Variants in CAPZB observed in about 807,000 individuals in gnomAD.
CAPZB encodes the protein capping actin protein of muscle Z-line subunit beta, also known as F-actin-capping protein subunit beta.
A neutral mutation model predicts 38.1 loss-of-function variants in CAPZB; 2 were observed. The observed-to-expected ratio is 0.05, with a 90% CI of 0.02 to 0.17. The LOEUF is 0.17. Ranked by LOEUF, CAPZB falls within the 10% of genes least tolerant of loss-of-function variation. The pLI is 1.00. For synonymous variants in CAPZB, 107 were observed against 127.4 expected, an observed-to-expected ratio of 0.84 and a Z score of 1.08; for missense variants, 161 against 334.2, an observed-to-expected ratio of 0.48 and a Z score of 4.04.
chr1:19,349,414 C>T (rs909539800), intron 6 of CAPZB, among the ~76,000 whole-genome samples: 2 of 151,974 alleles, frequency 1.3e-5, no homozygotes, highest in African/African-American at 2.4e-5. Context: ...GGCAGATTCC[C>T]GGCCACCCTA....
chr1:19,476,858 G>A, intron 1 of CAPZB, among the ~76,000 whole-genome samples: 1 of 152,194 alleles, frequency 6.6e-6, no homozygotes, highest in East Asian at 1.9e-4. Flanking sequence ...GAACCTCTCG[G>A]CCCCAGTTTC....
intron 1 of CAPZB, among the ~76,000 whole-genome samples, chr1:19,458,447 C>T (rs1341258434): frequency 6.6e-6 from 1 of 152,184 alleles, no homozygotes; most frequent in African/African-American, 2.4e-5. Context: ...CTCCACCTCC[C>T]GGGTTCAAGT....
chr1:19,484,286 C>T (rs759308342), intron 1 of CAPZB: 16 of 1,610,530 alleles, frequency 9.9e-6, no homozygotes, highest in Non-Finnish European at 1.4e-5. Context: ...GCATCGTGTC[C>T]AGGCCATATG....
At chr1:19,480,292 T>C (rs2094623048) in intron 1 of CAPZB, among the ~76,000 whole-genome samples, 1 of 151,620 alleles carries the variant, frequency 6.6e-6, no homozygotes, top group Non-Finnish European at 1.5e-5. Context: ...AGCACTGGAG[T>C]AAGTACATTA....
Position 19,339,316 on chromosome 1 carries a change from A to G in CAPZB, c.*214T>C. 1.7e-6 allele frequency: 1 copy of G among 601,686 alleles called. No individual in the cohort carries two copies. Among genetic ancestry groups the G allele is most frequent in the South Asian group, 1.9e-5 (1 of 51,704 alleles). The allele number at this position is 601,686 out of a possible 1,614,324, so 37.3% of individuals were successfully genotyped here. ...CGGTCTCTATGGAAATGTGGAGAGA[A>G]CTGAGAGCGAGGTGTGGCAGAAGCA... On this transcript the variant is annotated 3_prime_UTR_variant, in exon 9 of 9. Coordinates refer to ENST00000264202, the MANE Select transcript of CAPZB (RefSeq NM_004930.5).
At chr1:19,368,144 A>T (rs1249699554) in intron 4 of CAPZB, among the ~76,000 whole-genome samples, 1 of 152,188 alleles carries the variant, frequency 6.6e-6, no homozygotes, top group African/African-American at 2.4e-5. Context: ...AACGTGCCCA[A>T]GTCACAGGCT....
At chr1:19,418,136 C>CAAAAAAAAAA (rs59390448) in intron 2 of CAPZB, among the ~76,000 whole-genome samples, 11 of 35,328 alleles carry the variant, frequency 3.1e-4, no homozygotes, top group African/African-American at 1.1e-3. Flanking sequence ...ACTCTGTCAC[C>CAAAAAAAAAA]AAAAAAAAAA....
chr1:19,397,585 T>G (rs10917443), intron 2 of CAPZB, among the ~76,000 whole-genome samples: 33,434 of 151,956 alleles, frequency 0.22, 3,992 homozygotes, highest in East Asian at 0.36. Flanking sequence ...GCAAGATTGG[T>G]TTTTCACACA....
In CAPZB at chr1:19,341,281, C is replaced by G. The variant is rs140791470; in HGVS notation, c.732-1664G>C. 5.0e-3 allele frequency among the ~76,000 whole-genome samples: 764 copies of G among 152,290 alleles called. 6 individuals carry two copies. Among genetic ancestry groups the G allele is most frequent in the African/African-American group, 0.018 (734 of 41,554 alleles). ...CCCAGGCTCCAAATCTCAGCCGATT[C>G]CCCAGGGGCTTCTTGCCAAGCTCAC... On this transcript the variant is annotated intron_variant, in intron 8 of 8. Transcript: ENST00000264202.
intron 1 of CAPZB, among the ~76,000 whole-genome samples, chr1:19,462,582 G>A (rs2094555575): frequency 6.6e-6 from 1 of 152,204 alleles, no homozygotes; most frequent in Non-Finnish European, 1.5e-5. Flanking sequence ...AGCATTTACT[G>A]CAGTGTTTAA....
At chr1:19,463,519 T>A (rs2094558939) in intron 1 of CAPZB, among the ~76,000 whole-genome samples, 1 of 152,228 alleles carries the variant, frequency 6.6e-6, no homozygotes, top group Non-Finnish European at 1.5e-5. Context: ...TGACCCCACC[T>A]AAGCTCACAT....
intron 1 of CAPZB, chr1:19,484,073 A>G (rs2094640883): frequency 1.9e-6 from 2 of 1,055,270 alleles, no homozygotes; most frequent in Admixed American, 4.5e-5. Context: ...GGGCAGGTCT[A>G]TCTGTGGGGG....
At chr1:19,465,390 T>C (rs2094565763) in intron 1 of CAPZB, among the ~76,000 whole-genome samples, 1 of 152,224 alleles carries the variant, frequency 6.6e-6, no homozygotes, top group African/African-American at 2.4e-5. Context: ...TGCCAAGACC[T>C]TGCTTACGGA....
rs1171109014 is a variant in CAPZB, at chr1:19,339,602, A to C, written c.747T>G (p.Phe249Leu). 3 of 1,613,712 alleles carry C rather than the reference A, an allele frequency of 1.9e-6. No individual in the cohort carries two copies. Among genetic ancestry groups the C allele is most frequent in the African/African-American group, 2.7e-5 (2 of 74,936 alleles). ...IVNGLRSVQT[F>L]ADKSKQEALK... ...GAGCTTCTTGTTTTGATTTGTCTGC[A>C]AAAGTCTGCACAGACCTGCAAGGGA... Residue 249 changes from phenylalanine to leucine, a missense_variant, in exon 9 of 9, where the codon TTT becomes TTG. Physicochemically the swap from Phe to Leu is conservative, Grantham distance 22. Coordinates refer to ENST00000264202, the MANE Select transcript of CAPZB (RefSeq NM_004930.5).
At chr1:19,375,902 T>C (rs1347003394) in intron 4 of CAPZB, among the ~76,000 whole-genome samples, 2 of 152,180 alleles carry the variant, frequency 1.3e-5, no homozygotes, top group African/African-American at 2.4e-5. Context: ...CTGAAGAGTT[T>C]TAATGATAGT....
chr1:19,379,511 G>A (rs115384228), intron 3 of CAPZB, among the ~76,000 whole-genome samples: 114 of 152,352 alleles, frequency 7.5e-4, no homozygotes, highest in Middle Eastern at 3.4e-3. Context: ...GAAGAGAGCT[G>A]TCAGTTACAG....
chr1:19,340,105 T>C (rs2027508), intron 8 of CAPZB, among the ~76,000 whole-genome samples: 41,374 of 152,088 alleles, frequency 0.27, 5,688 homozygotes, highest in East Asian at 0.34. Flanking sequence ...TAAAAGCTTC[T>C]CCCTTGCCCA....
chr1:19,384,304 G>A (rs1305124061), intron 3 of CAPZB, among the ~76,000 whole-genome samples: 1 of 151,996 alleles, frequency 6.6e-6, no homozygotes, highest in East Asian at 1.9e-4. Flanking sequence ...ATCCTGGTGA[G>A]CTCATCACCC....
intron 3 of CAPZB, among the ~76,000 whole-genome samples, chr1:19,380,850 C>T (rs562936478): frequency 6.6e-5 from 10 of 152,042 alleles, no homozygotes; most frequent in Non-Finnish European, 1.3e-4. Context: ...CTCAACTACA[C>T]GCTCATTAAA....
Sources: allele counts gnomAD v4.1 joint callset (sites outside exome capture counted in the v4.1 genomes callset), GRCh38; gene constraint gnomAD v4.1.1; transcripts MANE v1.5; gene names NCBI Gene and HGNC (gene_info 2026-07-23, HGNC 2026-07-21).